TAMALIN: variants seen among roughly 807,000 people sequenced by gnomAD.
TAMALIN encodes protein TAMALIN.
Under a neutral mutation model 38.5 loss-of-function variants are expected in TAMALIN, and 9 were observed. That is an observed-to-expected ratio of 0.23 (90% CI 0.14 to 0.41). TAMALIN has a LOEUF of 0.41. Ranked by LOEUF, TAMALIN falls within the 10% of genes least tolerant of loss-of-function variation. TAMALIN has a pLI of 1.00. For synonymous variants in TAMALIN, 306 were observed against 256.5 expected (o/e 1.19, Z -1.85); for missense variants, 548 against 554.1 (o/e 0.99, Z 0.11).
rs568776890 is a variant in TAMALIN, at chr12:52,013,498, C to A, written c.455-189C>A. On this transcript the variant is annotated intron_variant, in intron 4 of 7. Coordinates refer to ENST00000293662, the MANE Select transcript of TAMALIN (RefSeq NM_181711.4). ...CAGGCCCACAAGAATGGCTGTGGTT[C>A]TGTGTGTTTGGATCGAGTATGAGAG... 193 of 596,610 alleles carry A rather than the reference C, an allele frequency of 3.2e-4. 1 individual carries two copies. The African/African-American group carries it at 3.3e-3, about 10-fold the overall frequency. The allele number at this position is 596,610 out of a possible 1,614,324, so 37.0% of individuals were successfully genotyped here. A position where few individuals can be genotyped will look rare whatever the true frequency, so the allele number is the denominator to read the frequency against.
In TAMALIN at chr12:52,011,404, A is replaced by G; in HGVS notation, c.454+263A>G. The G allele has an allele frequency of 1.6e-6, 1 of 608,546 alleles. No homozygotes were observed. The highest frequency in any genetic ancestry group is 2.9e-6 in the Non-Finnish European group (1 of 341,972). The allele number at this position is 608,546 out of a possible 1,614,324, so 37.7% of individuals were successfully genotyped here. On this transcript the variant is annotated intron_variant, in intron 4 of 7. Coordinates refer to ENST00000293662, the MANE Select transcript of TAMALIN (RefSeq NM_181711.4). The surrounding 1 kb of genome is among the most constrained non-coding windows in gnomAD (Gnocchi z 5.3). ...TGCGGCAAGGGGATTCCCTGGGCAC[A>G]CTGCCAGGGCCTAATTAATGGTGGA...
In TAMALIN at chr12:52,007,025, C is replaced by T; in HGVS notation, c.6C>T (p.Thr2=). ...GGGCGTCCGGCGCCGGAGCCATGAC[C>T]CTCCGCCGACTCAGGAAGCTGCAGC... M[T]LRRLRKLQQK... is the part of the protein sequence containing the mutation. Residue 2 remains threonine, a synonymous_variant, in exon 1 of 8, where the codon ACC becomes ACT. Transcript: ENST00000293662. The surrounding 1 kb of genome is among the most constrained non-coding windows in gnomAD (Gnocchi z 6.7). The T allele has an allele frequency of 7.0e-7, 1 of 1,432,046 alleles. No individual in the cohort carries two copies. The highest frequency in any genetic ancestry group is 9.1e-7 in the Non-Finnish European group (1 of 1,100,128). 88.7% of individuals were successfully genotyped at this position (1,432,046 alleles called of 1,614,324 possible). A position where few individuals can be genotyped will look rare whatever the true frequency, so the allele number is the denominator to read the frequency against.
At position 52,009,182 on chromosome 12, in the gene TAMALIN, C is replaced by T. The variant is rs553197637; in HGVS notation, c.247-8C>T. ...TTACCTGCTCCTTCTGACCATCTTACTGCCCAGGGCTCAGGATTCCGCTGG... is the reference window on the plus strand; with the variant it reads ...TTACCTGCTCCTTCTGACCATCTTATTGCCCAGGGCTCAGGATTCCGCTGG... On this transcript the variant is annotated splice_region_variant and splice_polypyrimidine_tract_variant and intron_variant, in intron 1 of 7. Transcript: ENST00000293662. The T allele has an allele frequency of 6.2e-7, 1 of 1,614,028 alleles. No individual in the cohort carries two copies. Among genetic ancestry groups the T allele is most frequent in the African/African-American group, 1.3e-5 (1 of 75,056 alleles).
chr12:52,009,066 G>A, intron 1 of TAMALIN, 124 bp from the exon 2 acceptor site: 1 of 903,046 alleles, frequency 1.1e-6, no homozygotes, highest in Non-Finnish European at 1.8e-6. Context: ...CACCAAAACA[G>A]GTGTGGATGT....
intron 1 of TAMALIN, chr12:52,008,699 T>A: frequency 2.0e-6 from 2 of 985,374 alleles, no homozygotes; most frequent in Non-Finnish European, 2.4e-6. Context: ...AGCCACTGTC[T>A]GTAGCTGAGA....
At chr12:52,013,440 G>T in intron 4 of TAMALIN, 1 of 486,902 alleles carries the variant, frequency 2.1e-6, no homozygotes. Flanking sequence ...CCTTTGGCTG[G>T]GGTGCTGGGC....
Position 52,007,697 on chromosome 12 carries a change from TGCGTTCTCAC to T in TAMALIN, c.246+433_246+442del. 1 of 985,218 alleles carries T rather than the reference TGCGTTCTCAC, an allele frequency of 1.0e-6. No individual in the cohort carries two copies. Among genetic ancestry groups the T allele is most frequent in the Non-Finnish European group, 1.2e-6 (1 of 829,848 alleles). The allele number at this position is 985,218 out of a possible 1,614,324, so 61.0% of individuals were successfully genotyped here. On this transcript the variant is annotated intron_variant, in intron 1 of 7. Transcript: ENST00000293662. The surrounding 1 kb of genome is among the most constrained non-coding windows in gnomAD (Gnocchi z 6.7). ...GAAGCGGGCCGGTGGCTGCGCCGCG[TGCGTTCTCAC>T]TCTGAGGAAGTGCGTGGGGAGCCGC...
At chr12:52,014,031 T>C in intron 6 of TAMALIN, 88 bp downstream of exon 6, 1 of 1,545,628 alleles carries the variant, frequency 6.5e-7, no homozygotes, top group South Asian at 1.1e-5. Context: ...GAATCTCCTG[T>C]AACTGAAGAT....
chr12:52,011,475 G>A lies in TAMALIN; in HGVS notation c.454+334G>A. 1 of 565,736 alleles carries A rather than the reference G, an allele frequency of 1.8e-6. No individual in the cohort carries two copies. Among genetic ancestry groups the A allele is most frequent in the Admixed American group, 3.1e-5 (1 of 32,248 alleles). The allele number at this position is 565,736 out of a possible 1,614,324, so 35.0% of individuals were successfully genotyped here. ...TTCCTCCCAGCAACCCTGGCAGTCA[G>A]CATGGGCAGGAGCCAGGGAAGAAGC... On this transcript the variant is annotated intron_variant, in intron 4 of 7. Transcript: ENST00000293662. This position sits in a 1 kb window ranked among gnomAD's most constrained non-coding sequence, Gnocchi z 5.3.
intron 4 of TAMALIN, 184 bp from the exon 5 acceptor site, chr12:52,013,503 T>C (rs1937709299): frequency 1.7e-6 from 1 of 601,244 alleles, no homozygotes; most frequent in Admixed American, 2.7e-5. Context: ...TGGTTCTGTG[T>C]GTTTGGATCG....
chr12:52,014,576 G>A (rs1937739890), intron 7 of TAMALIN, 118 bp from the exon 8 acceptor site: 3 of 766,226 alleles, frequency 3.9e-6, no homozygotes, highest in East Asian at 2.7e-5. Flanking sequence ...CCTGGCCAGG[G>A]CCACAGAGAT....
chr12:52,014,980 G>T lies in TAMALIN; in HGVS notation c.969G>T (p.Gly323=). The T allele has an allele frequency of 1.0e-6, 1 of 974,898 alleles. No individual in the cohort carries two copies. Among genetic ancestry groups the T allele is most frequent in the South Asian group, 4.6e-5 (1 of 21,524 alleles). The allele number at this position is 974,898 out of a possible 1,614,324, so 60.4% of individuals were successfully genotyped here. A position where few individuals can be genotyped will look rare whatever the true frequency, so the allele number is the denominator to read the frequency against. ...AETPAVGPGP[G]PRAALSRSAS... Reference sequence around the variant, plus strand: ...CCCCTGCCGTGGGGCCGGGCCCTGGGCCGCGGGCCGCGCTGAGCCGCAGCG... The same window carrying T: ...CCCCTGCCGTGGGGCCGGGCCCTGGTCCGCGGGCCGCGCTGAGCCGCAGCG... The change falls in exon 8 of 8, where the codon GGG becomes GGT. Residue 323 remains glycine (G), a synonymous_variant. Transcript: ENST00000293662.
At chr12:52,010,782 G>A in intron 2 of TAMALIN, 99 bp from the exon 3 acceptor site, 1 of 1,269,076 alleles carries the variant, frequency 7.9e-7, no homozygotes, top group Non-Finnish European at 1.1e-6. Context: ...GAGTCCTGCT[G>A]GAATGTTCTA....
rs1942420308 is a variant in TAMALIN at position 52,006,950 on chromosome 12, T to TC, written c.-65dup. On this transcript the variant is annotated 5_prime_UTR_variant, in exon 1 of 8. Coordinates refer to ENST00000293662, the MANE Select transcript of TAMALIN (RefSeq NM_181711.4). Reference sequence around the variant, plus strand: ...CGACCCGCGGCCCGCCCGGCTGGCATCCCCCAGCCGCCGCCAGCCCCGCCG... The same window carrying TC: ...CGACCCGCGGCCCGCCCGGCTGGCATCCCCCCAGCCGCCGCCAGCCCCGCCG... 1.9e-6 allele frequency: 2 copies of TC among 1,038,368 alleles called. No homozygotes were observed. The highest frequency in any genetic ancestry group is 5.1e-5 in the South Asian group (2 of 38,854). The allele number at this position is 1,038,368 out of a possible 1,614,324, so 64.3% of individuals were successfully genotyped here. A position where few individuals can be genotyped will look rare whatever the true frequency, so the allele number is the denominator to read the frequency against.
intron 7 of TAMALIN, 110 bp downstream of exon 7, chr12:52,014,311 C>CGT: frequency 1.1e-6 from 1 of 912,708 alleles, no homozygotes; most frequent in Non-Finnish European, 1.8e-6. Flanking sequence ...ACTAGTAAAC[C>CGT]TCCACAGTAA....
chr12:52,007,060 A>AGGC lies in TAMALIN; in HGVS notation c.48_50dup (p.Ala17dup). 1 of 1,457,922 alleles carries AGGC rather than the reference A, an allele frequency of 6.9e-7. No individual in the cohort carries two copies. Among genetic ancestry groups the AGGC allele is most frequent in the Middle Eastern group, 2.4e-4 (1 of 4,142 alleles). The allele number at this position is 1,457,922 out of a possible 1,614,324, so 90.3% of individuals were successfully genotyped here. ...CTCAGGAAGCTGCAGCAGAAGGAGGAGGCGGCGGCCACCCCGGACCCCGCC... is the reference window on the plus strand; with the variant it reads ...CTCAGGAAGCTGCAGCAGAAGGAGGAGGCGGCGGCGGCCACCCCGGACCCCGCC... On this transcript the variant is annotated inframe_insertion, in exon 1 of 8. Transcript: ENST00000293662. The surrounding 1 kb of genome is among the most constrained non-coding windows in gnomAD (Gnocchi z 6.7).
At position 52,014,161 on chromosome 12, in the gene TAMALIN, G is replaced by C. The variant is rs1205673445; in HGVS notation, c.642G>C (p.Glu214Asp). The C allele has an allele frequency of 6.2e-7, 1 of 1,604,850 alleles. No homozygotes were observed. ...LKQTLYEKWG[E>D]YRSLMVQEQR... Reference sequence around the variant, plus strand: ...AAACCCTGTATGAGAAGTGGGGAGAGTACAGGTCCCTAATGGTGCAGGAGC... The same window carrying C: ...AAACCCTGTATGAGAAGTGGGGAGACTACAGGTCCCTAATGGTGCAGGAGC... Residue 214 changes from glutamate (E) to aspartate (D), a missense_variant, in exon 7 of 8, where the codon GAG becomes GAC. By Grantham distance (45) the Glu-to-Asp change is conservative. This residue lies in a region of TAMALIN where 415 missense variants were observed against 417.0 expected (regional missense o/e 1.00). Coordinates refer to ENST00000293662, the MANE Select transcript of TAMALIN (RefSeq NM_181711.4).
chr12:52,007,162 C>T lies in TAMALIN; in HGVS notation c.143C>T (p.Pro48Leu). 1 of 1,498,760 alleles carries T rather than the reference C, an allele frequency of 6.7e-7. No individual in the cohort carries two copies. Among genetic ancestry groups the T allele is most frequent in the Non-Finnish European group, 8.8e-7 (1 of 1,133,384 alleles). The allele number at this position is 1,498,760 out of a possible 1,614,324, so 92.8% of individuals were successfully genotyped here. ...TPGPPAAAAT[P>L]GPPADELYAA... is the part of the protein sequence containing the mutation. ...GGACCCCCTGCCGCAGCCGCCACCC[C>T]TGGGCCCCCAGCGGACGAGCTGTAC... The change falls in exon 1 of 8, where the codon CCT becomes CTT. Residue 48 changes from proline (P) to leucine (L), a missense_variant. By Grantham distance (98) the Pro-to-Leu change is moderately conservative. Around this residue, in one of 3 missense-constraint regions of TAMALIN, gnomAD observed 128 missense variants for 117.9 expected, o/e 1.09. Transcript: ENST00000293662. This position sits in a 1 kb window ranked among gnomAD's most constrained non-coding sequence, Gnocchi z 6.7.
intron 4 of TAMALIN, chr12:52,013,484 G>T: frequency 1.7e-6 from 1 of 582,670 alleles, no homozygotes; most frequent in Non-Finnish European, 3.1e-6. Context: ...AGGCCCACAA[G>T]AATGGCTGTG....
Sources: allele counts gnomAD v4.1 joint callset, GRCh38; gene constraint gnomAD v4.1.1; regional missense constraint gnomAD v4.1.1; non-coding constraint Gnocchi (gnomAD v3.1); transcripts MANE v1.5; gene names NCBI Gene and HGNC (gene_info 2026-07-23, HGNC 2026-07-21).